Variants in ASIC2 observed in about 807,000 individuals in gnomAD.
The protein encoded by ASIC2 is acid-sensing ion channel 2.
In ASIC2, 25 loss-of-function variants were observed where a neutral mutation model predicts 57.3. That is an observed-to-expected ratio of 0.44 (90% CI 0.32 to 0.61). The LOEUF is 0.61. Ranked by LOEUF, ASIC2 falls within the 20% of genes least tolerant of loss-of-function variation. The pLI is 0.06. For synonymous variants in ASIC2, 319 were observed against 307.5 expected (o/e 1.04, Z -0.39); for missense variants, 641 against 738.1 (o/e 0.87, Z 1.52).
chr17:33,443,531 A>G (rs916251689), intron 1 of ASIC2, among the ~76,000 whole-genome samples: 2 of 143,214 alleles, frequency 1.4e-5, no homozygotes, highest in Non-Finnish European at 3.0e-5. Context: ...CTCCTGCCTC[A>G]GCCTCCCAAG....
chr17:33,886,235 G>A (rs555261803), intron 1 of ASIC2, among the ~76,000 whole-genome samples: 2 of 152,244 alleles, frequency 1.3e-5, no homozygotes, highest in Non-Finnish European at 1.5e-5. Context: ...AGCCCTTAGG[G>A]CTTCTGCTTG....
At chr17:33,723,905 T>G (rs1023264212) in intron 1 of ASIC2, among the ~76,000 whole-genome samples, 11 of 152,184 alleles carry the variant, frequency 7.2e-5, no homozygotes, top group African/African-American at 2.7e-4. Flanking sequence ...ATAAAGAATT[T>G]TCCTGGCAGA....
chr17:34,063,409 A>G (rs1305575131), intron 1 of ASIC2, among the ~76,000 whole-genome samples: 1 of 152,202 alleles, frequency 6.6e-6, no homozygotes, highest in East Asian at 1.9e-4. Flanking sequence ...CACAGTCAAC[A>G]TAATACTGAA....
chr17:33,487,456 T>C (rs1178204792), intron 1 of ASIC2, among the ~76,000 whole-genome samples: 1 of 152,254 alleles, frequency 6.6e-6, no homozygotes, highest in African/African-American at 2.4e-5. Context: ...CTTCCATTTA[T>C]GAGCCATGTG....
Position 33,861,504 on chromosome 17 carries a change from G to A in ASIC2, c.555+294474C>T, listed in dbSNP as rs1226332429. On this transcript the variant is annotated intron_variant, in intron 1 of 9. Transcript: ENST00000359872. ...AAGACTGAGGCTTGCTGAGGTTTACGCATCTAATAACTAAGAATTTCATTT... is the reference window on the plus strand; with the variant it reads ...AAGACTGAGGCTTGCTGAGGTTTACACATCTAATAACTAAGAATTTCATTT... Among the ~76,000 whole-genome samples, 10 of 152,250 alleles carry A rather than the reference G, an allele frequency of 6.6e-5. No homozygotes were observed. In the South Asian group the frequency reaches 8.3e-4, roughly 13 times the overall value.
chr17:33,821,993 A>G lies in ASIC2; in HGVS notation c.555+333985T>C, dbSNP rs555560126. Among the ~76,000 whole-genome samples the G allele has an allele frequency of 2.0e-5, 3 of 152,322 alleles. No homozygotes were observed. In the East Asian group the frequency reaches 5.8e-4, roughly 29 times the overall value. On this transcript the variant is annotated intron_variant, in intron 1 of 9. Transcript: ENST00000359872. ...TGGGGATGCAGCATGTGATTTAGAA[A>G]GAGATACGAACTGGTTGGAATCTTG...
intron 1 of ASIC2, among the ~76,000 whole-genome samples, chr17:33,471,813 CT>C (rs1309850242): frequency 6.6e-6 from 1 of 152,156 alleles, no homozygotes; most frequent in African/African-American, 2.4e-5. Context: ...TAACAAATAT[CT>C]ATTGAATAGT....
intron 1 of ASIC2, among the ~76,000 whole-genome samples, chr17:34,130,179 T>A (rs920497432): frequency 6.6e-6 from 1 of 152,224 alleles, no homozygotes; most frequent in Non-Finnish European, 1.5e-5. Context: ...TGACTGAGCC[T>A]GTCACACACT....
At chr17:33,619,870 C>T (rs899699970) in intron 1 of ASIC2, among the ~76,000 whole-genome samples, 10 of 152,056 alleles carry the variant, frequency 6.6e-5, no homozygotes, top group African/African-American at 2.4e-4. Context: ...TTAATCTGTT[C>T]TTTCAAGGTA....
intron 1 of ASIC2, among the ~76,000 whole-genome samples, chr17:33,926,092 G>A (rs1398402032): frequency 6.6e-6 from 1 of 152,076 alleles, no homozygotes; most frequent in Non-Finnish European, 1.5e-5. Context: ...GAAGTCAGGG[G>A]GTTCTTGAAC....
At chr17:33,521,999 C>A (rs559896044) in intron 1 of ASIC2, among the ~76,000 whole-genome samples, 2 of 152,302 alleles carry the variant, frequency 1.3e-5, no homozygotes, top group African/African-American at 4.8e-5. Context: ...GCTGGGCAGC[C>A]GCTGCCTGGC....
At chr17:33,986,674 T>C (rs912459690) in intron 1 of ASIC2, among the ~76,000 whole-genome samples, 1 of 152,050 alleles carries the variant, frequency 6.6e-6, no homozygotes, top group African/African-American at 2.4e-5. Context: ...AGAAGAGGCA[T>C]AGGGTTTCAC....
chr17:33,676,917 C>A (rs1336363399), intron 1 of ASIC2, among the ~76,000 whole-genome samples: 1 of 152,122 alleles, frequency 6.6e-6, no homozygotes, highest in Non-Finnish European at 1.5e-5. Flanking sequence ...TGCTGTCCTC[C>A]TGATAGTGAG....
At chr17:33,641,447 G>A (rs1863116020) in intron 1 of ASIC2, among the ~76,000 whole-genome samples, 1 of 152,104 alleles carries the variant, frequency 6.6e-6, no homozygotes, top group African/African-American at 2.4e-5. Flanking sequence ...GCATGGTGGT[G>A]CCCAAAAGGC....
chr17:33,642,728 T>C (rs1377774761), intron 1 of ASIC2, among the ~76,000 whole-genome samples: 1 of 152,198 alleles, frequency 6.6e-6, no homozygotes, highest in Non-Finnish European at 1.5e-5. Context: ...ATCAACTCCC[T>C]CAATTAATTA....
intron 5 of ASIC2, among the ~76,000 whole-genome samples, chr17:33,025,289 A>C (rs2091854188): frequency 6.6e-6 from 1 of 150,628 alleles, no homozygotes; most frequent in African/African-American, 2.4e-5. Flanking sequence ...TTGTTTGTGC[A>C]CTCTCCCTCC....
chr17:33,714,903 G>T (rs1442744989), intron 1 of ASIC2, among the ~76,000 whole-genome samples: 1 of 146,536 alleles, frequency 6.8e-6, no homozygotes, highest in Non-Finnish European at 1.5e-5. Context: ...CTGTAGCCTT[G>T]AATTTCTGGC....
chr17:33,412,105 C>T lies in ASIC2; in HGVS notation c.556-300038G>A, dbSNP rs1001779895. 5.9e-5 allele frequency among the ~76,000 whole-genome samples: 9 copies of T among 152,282 alleles called. No homozygotes were observed. In the East Asian group the frequency reaches 1.7e-3, roughly 29 times the overall value. On this transcript the variant is annotated intron_variant, in intron 1 of 9. Transcript: ENST00000359872. ...AGCTACATCATTTGGGCACTGGCTC[C>T]TCCTGCTTATTATTTTTGATTTGTT...
chr17:34,039,514 A>T, intron 1 of ASIC2: 1 of 1,613,826 alleles, frequency 6.2e-7, no homozygotes, highest in Admixed American at 1.7e-5. Context: ...TCGTCGCGGT[A>T]AGGGATTGGA....
Sources: allele counts gnomAD v4.1 joint callset (sites outside exome capture counted in the v4.1 genomes callset), GRCh38; gene constraint gnomAD v4.1.1; transcripts MANE v1.5; gene names NCBI Gene and HGNC (gene_info 2026-07-23, HGNC 2026-07-21).